The following LTBP2 variants were observed in gnomAD, a reference collection of about 807,000 sequenced individuals.
LTBP2 encodes latent transforming growth factor beta binding protein 2.
In LTBP2, 103 loss-of-function variants were observed where a neutral mutation model predicts 210.6. The ratio of observed to expected loss-of-function variants is 0.49; its 90% CI spans 0.42 to 0.58. The LOEUF (loss-of-function observed/expected upper bound fraction) is 0.58, where lower values mean the gene tolerates loss of function less well. Ranked by LOEUF, LTBP2 falls within the 20% of genes least tolerant of loss-of-function variation. LTBP2 has a pLI of 0.00. For synonymous variants in LTBP2, 1,007 were observed against 1,015.0 expected, an observed-to-expected ratio of 0.99 and a Z score of 0.15; for missense variants, 2,313 against 2,494.5, an observed-to-expected ratio of 0.93 and a Z score of 1.55.
At chr14:74,569,849 T>G (rs1386577937) in intron 3 of LTBP2, among the ~76,000 whole-genome samples, 1 of 152,110 alleles carries the variant, frequency 6.6e-6, no homozygotes, top group East Asian at 1.9e-4. Context: ...GGAAGGTAGC[T>G]GGCCCAAGCT....
chr14:74,605,200 T>C (rs1322180941), intron 1 of LTBP2, among the ~76,000 whole-genome samples: 3 of 152,188 alleles, frequency 2.0e-5, no homozygotes, highest in Admixed American at 6.5e-5. Flanking sequence ...ACTTAGGAGT[T>C]TGTTTGACAT....
chr14:74,509,752 C>T lies in LTBP2; in HGVS notation c.3259G>A (p.Asp1087Asn). 6.2e-7 allele frequency: 1 copy of T among 1,614,080 alleles called. No individual in the cohort carries two copies. The highest frequency in any genetic ancestry group is 8.5e-7 in the Non-Finnish European group (1 of 1,180,006). ...GGGTTACCTTCACAGGCAGTGCCGT[C>T]TTCATTCACCCAGTACCCGTTCTCA... ...ACENGYWVNE[D>N]GTACEDLDEC... The change falls in exon 21 of 36, where the codon GAC becomes AAC. Residue 1087 changes from aspartate to asparagine, a missense_variant. Asp to Asn is a conservative substitution (Grantham distance 23, BLOSUM62 1). Coordinates refer to ENST00000261978, the MANE Select transcript of LTBP2 (RefSeq NM_000428.3).
At chr14:74,562,102 T>C (rs2087801521) in intron 3 of LTBP2, among the ~76,000 whole-genome samples, 1 of 151,582 alleles carries the variant, frequency 6.6e-6, no homozygotes, top group Non-Finnish European at 1.5e-5. Flanking sequence ...CCCAGCTACT[T>C]TGGAGGCTGA....
rs751614133 is a variant in LTBP2, at chr14:74,503,932, ACTT to A, written c.4573_4575del (p.Lys1525del). On this transcript the variant is annotated inframe_deletion, in exon 31 of 36. Coordinates refer to ENST00000261978, the MANE Select transcript of LTBP2 (RefSeq NM_000428.3). The stretch of plus-strand genomic sequence containing the variant: ...GGATCATGTGTGTCCTTACCCTCAC[ACTT>A]CTTGTGGGAAGCATCGTAGTGGAAG... 1.5e-5 allele frequency: 25 copies of A among 1,613,934 alleles called. No homozygotes were observed. In the East Asian group the frequency reaches 2.5e-4, roughly 16 times the overall value.
chr14:74,523,652 G>T (rs2087236545), intron 15 of LTBP2, among the ~76,000 whole-genome samples: 1 of 152,186 alleles, frequency 6.6e-6, no homozygotes, highest in Admixed American at 6.5e-5. Context: ...TGTGTAGACA[G>T]CAGAGACTTT....
intron 10 of LTBP2, among the ~76,000 whole-genome samples, 200 bp downstream of exon 10, chr14:74,532,226 T>G (rs1385687791): frequency 1.3e-5 from 2 of 152,220 alleles, no homozygotes; most frequent in African/African-American, 4.8e-5. Flanking sequence ...AGTGAAGTAG[T>G]AACCATCTCT....
intron 2 of LTBP2, among the ~76,000 whole-genome samples, chr14:74,601,697 G>A (rs7158922): frequency 0.091 from 13,916 of 152,238 alleles, 1,120 homozygotes; most frequent in African/African-American, 0.2. Context: ...CCAGACTCGC[G>A]GGAATGGGAG....
chr14:74,594,487 T>A (rs2088328437), intron 2 of LTBP2, among the ~76,000 whole-genome samples: 1 of 152,150 alleles, frequency 6.6e-6, no homozygotes, highest in African/African-American at 2.4e-5. Context: ...GCCAGTGGGA[T>A]GCTAAGACCC....
Position 74,611,839 on chromosome 14 carries a change from G to A in LTBP2, c.106C>T (p.Gln36Ter). The A allele has an allele frequency of 6.2e-7, 1 of 1,611,496 alleles. No individual in the cohort carries two copies. The highest frequency in any genetic ancestry group is 8.5e-7 in the Non-Finnish European group (1 of 1,179,642). Residue 36 changes from glutamine to a stop codon, truncating the protein, a stop_gained, in exon 1 of 36, where the codon CAA becomes TAA. Coordinates refer to ENST00000261978, the MANE Select transcript of LTBP2 (RefSeq NM_000428.3). LOFTEE classifies it high-confidence loss of function. The stretch of plus-strand genomic sequence containing the variant: ...TCGTATCTCCCTACGGGGTCCCTTT[G>A]GGCATGACCCGCGCCCACGAAGAGA... ...LALFVGAGHA[Q>*]RDPVGRYEPA...
chr14:74,534,074 C>G (rs544730924), intron 9 of LTBP2, among the ~76,000 whole-genome samples: 1 of 152,292 alleles, frequency 6.6e-6, no homozygotes, highest in South Asian at 2.1e-4. Flanking sequence ...TGGTAGGATG[C>G]CCCATTGTGG....
In LTBP2 at chr14:74,586,084, G is replaced by A. The variant is rs1262863193; in HGVS notation, c.600C>T (p.Ser200=). 1 of 1,600,584 alleles carries A rather than the reference G, an allele frequency of 6.2e-7. No individual in the cohort carries two copies. Among genetic ancestry groups the A allele is most frequent in the Non-Finnish European group, 8.5e-7 (1 of 1,174,090 alleles). ...AGACACAGAGCTGCGGGCGGCTGCA[G>A]GAGCCCCGGTTCTGGCACGGCGGCT... is the stretch of plus-strand genomic sequence containing the variant. ...VCEPPCQNRG[S]CSRPQLCVCR... Residue 200 remains serine (S), a synonymous_variant, in exon 3 of 36, where the codon TCC becomes TCT. Transcript: ENST00000261978. The surrounding 1 kb of genome is among the most constrained non-coding windows in gnomAD (Gnocchi z 4.6).
At chr14:74,555,819 T>G (rs894130301) in intron 3 of LTBP2, 126 bp from the exon 4 acceptor site, 1 of 629,338 alleles carries the variant, frequency 1.6e-6, no homozygotes, top group Non-Finnish European at 2.4e-6. Flanking sequence ...TTCTCACCCA[T>G]GTATGGCTGA....
At chr14:74,506,949 T>C in intron 26 of LTBP2, 126 bp from the exon 27 acceptor site, 1 of 1,551,214 alleles carries the variant, frequency 6.4e-7, no homozygotes, top group Non-Finnish European at 8.7e-7. Context: ...GAATACTTAT[T>C]TGGCTTATTA....
Position 74,551,183 on chromosome 14 carries a change from G to A in LTBP2, c.1567C>T (p.Leu523Phe), listed in dbSNP as rs2087650509. Reference protein sequence around the residue: ...PWLPASPGHSLWDSNNIPARS... With the variant: ...PWLPASPGHSFWDSNNIPARS... ...GCAGGGATGTTGTTGCTGTCCCAGA[G>A]GCTGTGGCCAGGGCTGGCAGGCAGC... is the stretch of plus-strand genomic sequence containing the variant. The change falls in exon 7 of 36, where the codon CTC becomes TTC. Residue 523 changes from leucine (L) to phenylalanine (F), a missense_variant. Leu to Phe is a conservative substitution (Grantham distance 22). Around this residue, in one of 3 missense-constraint regions of LTBP2, gnomAD observed 1,867 missense variants for 1,976.9 expected, o/e 0.94. Transcript: ENST00000261978. 1 of 1,613,916 alleles carries A rather than the reference G, an allele frequency of 6.2e-7. No individual in the cohort carries two copies. Among genetic ancestry groups the A allele is most frequent in the Non-Finnish European group, 8.5e-7 (1 of 1,180,032 alleles).
chr14:74,511,814 C>T (rs929069559), intron 18 of LTBP2, among the ~76,000 whole-genome samples: 2 of 152,178 alleles, frequency 1.3e-5, no homozygotes, highest in African/African-American at 4.8e-5. Context: ...CTTGGGCTTC[C>T]TTGCACCAGG....
chr14:74,528,832 C>T, intron 11 of LTBP2, 126 bp downstream of exon 11: 1 of 1,515,606 alleles, frequency 6.6e-7, no homozygotes. Flanking sequence ...TTGGGATAAG[C>T]ACGTGAGCAG....
At chr14:74,580,080 T>C (rs1402908467) in intron 3 of LTBP2, among the ~76,000 whole-genome samples, 1 of 152,034 alleles carries the variant, frequency 6.6e-6, no homozygotes, top group Non-Finnish European at 1.5e-5. Flanking sequence ...AGAATTCAAA[T>C]AAATAGGTAA....
intron 8 of LTBP2, among the ~76,000 whole-genome samples, chr14:74,538,853 G>A (rs1454166830): frequency 2.0e-5 from 3 of 152,248 alleles, no homozygotes; most frequent in African/African-American, 7.2e-5. Context: ...GGAGACACAC[G>A]GGGATTCTGA....
Position 74,524,502 on chromosome 14 carries a change from C to T in LTBP2, c.2530+622G>A, listed in dbSNP as rs569655907. ...GGGCACACACGTGTACAGGGAGCAG[C>T]GGCAACAACACCCGCCTTGCTTCTC... On this transcript the variant is annotated intron_variant, in intron 15 of 35. Transcript: ENST00000261978. 7.9e-5 allele frequency among the ~76,000 whole-genome samples: 12 copies of T among 152,204 alleles called. No individual in the cohort carries two copies. In the South Asian group the frequency reaches 1.0e-3, roughly 13 times the overall value.
Sources: gnomAD v4.1 joint callset for allele counts (sites outside exome capture counted in the v4.1 genomes callset) on GRCh38, gnomAD v4.1.1 for gene constraint, gnomAD v4.1.1 regional missense constraint, Gnocchi (gnomAD v3.1) non-coding constraint, MANE v1.5 for transcripts, NCBI Gene and HGNC (gene_info 2026-07-23, HGNC 2026-07-21) for gene names.